Variants in ST7 observed in about 807,000 individuals in gnomAD.
ST7 encodes suppression of tumorigenicity 7.
In ST7, 28 loss-of-function variants were observed where a neutral mutation model predicts 78.7. The ratio of observed to expected loss-of-function variants is 0.36; its 90% CI spans 0.26 to 0.49. The LOEUF is 0.49. Among genes scored for constraint, ST7 ranks in the 20% least tolerant of loss-of-function variants. The probability of loss-of-function intolerance (pLI) is 0.99; values close to 1 mark genes in which losing one functional copy is unlikely to be tolerated. For synonymous variants in ST7, 247 were observed against 249.6 expected (o/e 0.99, Z 0.10); for missense variants, 418 against 696.0 (o/e 0.60, Z 4.49).
intron 9 of ST7, among the ~76,000 whole-genome samples, chr7:117,156,549 A>T (rs1450014803): frequency 6.6e-6 from 1 of 152,162 alleles, no homozygotes; most frequent in Non-Finnish European, 1.5e-5. Flanking sequence ...TTATCAACAT[A>T]TACAGGATTT....
At chr7:116,977,259 G>T (rs760405166) in intron 1 of ST7, among the ~76,000 whole-genome samples, 7 of 152,128 alleles carry the variant, frequency 4.6e-5, no homozygotes, top group Non-Finnish European at 8.8e-5. Flanking sequence ...AAGTAAGTAA[G>T]GTGTAGGCAT....
chr7:117,114,397 C>G (rs999622310), intron 2 of ST7, among the ~76,000 whole-genome samples: 18 of 151,082 alleles, frequency 1.2e-4, no homozygotes, highest in Admixed American at 1.1e-3. Context: ...CAGATAATCC[C>G]TTTTGCCAAA....
chr7:117,105,934 AG>A (rs1180421898), intron 2 of ST7, among the ~76,000 whole-genome samples: 1 of 152,294 alleles, frequency 6.6e-6, no homozygotes, highest in African/African-American at 2.4e-5. Flanking sequence ...CGTTTTTCAG[AG>A]AAGAAAATCG....
intron 6 of ST7, 74 bp from the exon 7 acceptor site, chr7:117,134,050 A>C (rs1804582670): frequency 6.3e-7 from 1 of 1,583,214 alleles, no homozygotes; most frequent in African/African-American, 1.4e-5. Context: ...CTGAACTCCG[A>C]AATGACATAG....
intron 14 of ST7, among the ~76,000 whole-genome samples, chr7:117,221,562 G>A (rs1315955530): frequency 6.6e-6 from 1 of 152,148 alleles, no homozygotes; most frequent in East Asian, 1.9e-4. Context: ...CAATGAACAC[G>A]TGTTTTGTAA....
intron 1 of ST7, among the ~76,000 whole-genome samples, chr7:116,969,803 T>C (rs1793319458): frequency 6.6e-6 from 1 of 152,168 alleles, no homozygotes; most frequent in South Asian, 2.1e-4. Context: ...CAGCTGGGCA[T>C]GGTGGTTCAT....
chr7:117,167,377 G>A (rs1384018311), intron 9 of ST7, among the ~76,000 whole-genome samples: 1 of 147,698 alleles, frequency 6.8e-6, no homozygotes, highest in African/African-American at 2.5e-5. Flanking sequence ...GGGGTTGCAG[G>A]GCCTCTAAAG....
chr7:117,130,683 C>A, intron 5 of ST7, 77 bp downstream of exon 5: 1 of 1,030,576 alleles, frequency 9.7e-7, no homozygotes. Context: ...TTTAGAATAT[C>A]CACTCTGTAA....
At chr7:117,000,261 A>G (rs1794878847) in intron 1 of ST7, among the ~76,000 whole-genome samples, 1 of 152,238 alleles carries the variant, frequency 6.6e-6, no homozygotes, top group South Asian at 2.1e-4. Flanking sequence ...TCATATGCTT[A>G]GGAAGTTTTT....
At chr7:116,969,856 A>G (rs1793322246) in intron 1 of ST7, among the ~76,000 whole-genome samples, 1 of 152,138 alleles carries the variant, frequency 6.6e-6, no homozygotes, top group Non-Finnish European at 1.5e-5. Context: ...TGGGCGGATC[A>G]CCTGAAGTTA....
intron 1 of ST7, among the ~76,000 whole-genome samples, chr7:117,059,467 C>G (rs182014348): frequency 4.3e-4 from 66 of 152,040 alleles, no homozygotes; most frequent in Non-Finnish European, 8.1e-4. Flanking sequence ...GAAATAATGG[C>G]AAAGTTTCAT....
At chr7:117,085,405 G>A (rs926146049) in intron 1 of ST7, among the ~76,000 whole-genome samples, 5 of 152,000 alleles carry the variant, frequency 3.3e-5, no homozygotes, top group African/African-American at 9.7e-5. Flanking sequence ...TCCAGTTTTG[G>A]GGAGACATTT....
At chr7:116,966,470 T>A (rs1013688817) in intron 1 of ST7, among the ~76,000 whole-genome samples, 2 of 152,074 alleles carry the variant, frequency 1.3e-5, no homozygotes, top group Non-Finnish European at 2.9e-5. Flanking sequence ...AGGCTGGTCT[T>A]GAACTCCTGA....
chr7:117,060,332 A>G (rs1798286106), intron 1 of ST7, among the ~76,000 whole-genome samples: 1 of 152,348 alleles, frequency 6.6e-6, no homozygotes, highest in Non-Finnish European at 1.5e-5. Flanking sequence ...GCAGAATATC[A>G]GGTAACTCAT....
intron 10 of ST7, among the ~76,000 whole-genome samples, chr7:117,177,768 G>T (rs1662595710): frequency 6.6e-6 from 1 of 152,130 alleles, no homozygotes; most frequent in Non-Finnish European, 1.5e-5. Flanking sequence ...TTGGTTGGAA[G>T]GGGACCTCGG....
At chr7:117,192,419 A>C (rs529543216) in intron 12 of ST7, among the ~76,000 whole-genome samples, 1 of 152,346 alleles carries the variant, frequency 6.6e-6, no homozygotes, top group South Asian at 2.1e-4. Flanking sequence ...CTCTAAGCTC[A>C]AAGTTGTCCC....
intron 2 of ST7, among the ~76,000 whole-genome samples, chr7:117,102,175 G>T (rs893152358): frequency 1.3e-5 from 2 of 152,170 alleles, no homozygotes; most frequent in Non-Finnish European, 2.9e-5. Context: ...TGAAATGATG[G>T]TGATAGTGTA....
intron 1 of ST7, among the ~76,000 whole-genome samples, chr7:116,995,923 C>T (rs1794629895): frequency 1.3e-5 from 2 of 152,076 alleles, no homozygotes; most frequent in African/African-American, 4.8e-5. Context: ...CTAGATATGA[C>T]CTGTGGGCTG....
chr7:116,987,609 T>C (rs1282402906), intron 1 of ST7, among the ~76,000 whole-genome samples: 2 of 152,254 alleles, frequency 1.3e-5, no homozygotes, highest in South Asian at 4.1e-4. Context: ...GAGTAATTTC[T>C]GACCTTTTTA....
Sources: gnomAD v4.1 joint callset for allele counts (sites outside exome capture counted in the v4.1 genomes callset) on GRCh38, gnomAD v4.1.1 for gene constraint, MANE v1.5 for transcripts, NCBI Gene and HGNC (gene_info 2026-07-23, HGNC 2026-07-21) for gene names.